RAD51B: variants seen among roughly 807,000 people sequenced by gnomAD.
The protein encoded by RAD51B is DNA repair protein RAD51 homolog 2.
A neutral mutation model predicts 42.2 loss-of-function variants in RAD51B; 38 were observed. That is an observed-to-expected ratio of 0.90 (90% CI 0.70 to 1.18). RAD51B has a LOEUF of 1.18. Among genes scored for constraint, RAD51B ranks in the 50% most tolerant of loss-of-function variants. The pLI is 0.00. For synonymous variants in RAD51B, 154 were observed against 145.2 expected (o/e 1.06, Z -0.43); for missense variants, 373 against 400.7 (o/e 0.93, Z 0.59).
chr14:68,292,876 T>C lies in RAD51B; in HGVS notation c.853+896T>C, dbSNP rs12432392. 1.0e-2 allele frequency among the ~76,000 whole-genome samples: 1,517 copies of C among 152,294 alleles called. 31 individuals are homozygous for C. Among genetic ancestry groups the C allele is most frequent in the East Asian group, 0.058 (300 of 5,188 alleles). On this transcript the variant is annotated intron_variant, in intron 8 of 10. Transcript: ENST00000471583. ...TGGCTAATTTATGAAAACTGTACAA[T>C]GCTTTGTGTACGCTCCTTCCAAGTT...
intron 11 of RAD51B, among the ~76,000 whole-genome samples, chr14:68,656,038 A>G (rs542791530): frequency 1.3e-5 from 2 of 152,316 alleles, no homozygotes; most frequent in South Asian, 2.1e-4. Context: ...AGAGCCAGGC[A>G]TGGTCCAGGT....
intron 9 of RAD51B, among the ~76,000 whole-genome samples, chr14:68,438,549 G>A (rs1170977019): frequency 6.6e-6 from 1 of 152,118 alleles, no homozygotes; most frequent in Non-Finnish European, 1.5e-5. Flanking sequence ...CAAGAATTAG[G>A]TTGGAGATCA....
At chr14:68,527,093 A>G (rs1025612339) in intron 10 of RAD51B, among the ~76,000 whole-genome samples, 4 of 152,246 alleles carry the variant, frequency 2.6e-5, no homozygotes, top group African/African-American at 9.6e-5. Context: ...CATCCGCACA[A>G]AGTTTCAATT....
intron 7 of RAD51B, among the ~76,000 whole-genome samples, chr14:68,166,970 G>A (rs1490445646): frequency 6.6e-6 from 1 of 151,758 alleles, no homozygotes. Context: ...ACCTTAATTC[G>A]GCTTTTGCTC....
At chr14:68,538,720 C>T (rs1329926861) in intron 10 of RAD51B, among the ~76,000 whole-genome samples, 2 of 151,162 alleles carry the variant, frequency 1.3e-5, no homozygotes, top group Non-Finnish European at 2.9e-5. Context: ...TCTGATTTCT[C>T]TTTTTTAAAA....
At chr14:68,179,308 A>C (rs2079016836) in intron 7 of RAD51B, among the ~76,000 whole-genome samples, 6 of 151,928 alleles carry the variant, frequency 3.9e-5, no homozygotes. Context: ...CTTTCTTGGC[A>C]AGAATCTGAT....
In RAD51B at chr14:67,837,169, A is replaced by G. The variant is rs1012829546; in HGVS notation, c.315+1973A>G. ...CACACACACACATACACACACACAC[A>G]CGCACACACACACACATCCTCTTCT... is the stretch of plus-strand genomic sequence containing the variant. On this transcript the variant is annotated intron_variant, in intron 4 of 10. Coordinates refer to ENST00000471583, the MANE Select transcript of RAD51B (RefSeq NM_133510.4). 8.6e-5 allele frequency among the ~76,000 whole-genome samples: 13 copies of G among 152,028 alleles called. No individual in the cohort carries two copies. In the East Asian group the frequency reaches 9.7e-4, roughly 11 times the overall value.
chr14:68,198,616 A>T (rs1021992282), intron 7 of RAD51B, among the ~76,000 whole-genome samples: 1 of 152,138 alleles, frequency 6.6e-6, no homozygotes, highest in Admixed American at 6.6e-5. Context: ...TTTCACTCAG[A>T]AATATCTTAT....
chr14:67,865,307 G>A (rs1195412560), intron 5 of RAD51B, among the ~76,000 whole-genome samples, 168 bp downstream of exon 5: 1 of 150,874 alleles, frequency 6.6e-6, no homozygotes, highest in Non-Finnish European at 1.5e-5. Context: ...CACGATCTGG[G>A]CTCATGGCAA....
intron 7 of RAD51B, among the ~76,000 whole-genome samples, chr14:68,050,909 T>C (rs2076382791): frequency 6.6e-6 from 1 of 151,872 alleles, no homozygotes; most frequent in Non-Finnish European, 1.5e-5. Flanking sequence ...TTTATAATTA[T>C]ATGTTAAGAA....
intron 10 of RAD51B, among the ~76,000 whole-genome samples, chr14:68,547,421 G>A (rs1310328234): frequency 6.6e-6 from 1 of 152,116 alleles, no homozygotes; most frequent in Non-Finnish European, 1.5e-5. Context: ...AACATTTTGG[G>A]GAAATGAAAT....
intron 7 of RAD51B, among the ~76,000 whole-genome samples, chr14:68,131,045 T>G (rs2077880560): frequency 2.0e-5 from 3 of 152,228 alleles, no homozygotes; most frequent in Non-Finnish European, 4.4e-5. Flanking sequence ...AAATTTAGAA[T>G]TATTAAATTC....
Position 68,668,416 on chromosome 14 carries a change from C to T in RAD51B, c.*11+17560C>T, listed in dbSNP as rs117142678. ...TCATCGAAAACCACGCATTCCACTC[C>T]ACTTCCCGGCCTCCCCTGCCGTTAG... On this transcript the variant is annotated intron_variant, in intron 11 of 11. Coordinates refer to the RAD51B transcript ENST00000488612. 7.0e-4 allele frequency among the ~76,000 whole-genome samples: 107 copies of T among 152,338 alleles called. 1 individual carries two copies. In the East Asian group the frequency reaches 0.016, roughly 23 times the overall value.
intron 7 of RAD51B, among the ~76,000 whole-genome samples, chr14:68,123,887 AC>A (rs2077703267): frequency 6.6e-6 from 1 of 152,212 alleles, no homozygotes; most frequent in South Asian, 2.1e-4. Context: ...GACTTTGTGC[AC>A]AAGCAACTGC....
chr14:67,959,803 G>A (rs1650609264), intron 7 of RAD51B, among the ~76,000 whole-genome samples: 2 of 152,178 alleles, frequency 1.3e-5, no homozygotes, highest in African/African-American at 4.8e-5. Context: ...AATATGACCG[G>A]GTGCAGTGGC....
chr14:68,607,446 T>G (rs930572137), intron 10 of RAD51B, among the ~76,000 whole-genome samples: 1 of 152,092 alleles, frequency 6.6e-6, no homozygotes, highest in Non-Finnish European at 1.5e-5. Context: ...CCACAGCCCA[T>G]CTCTTCCAGA....
At chr14:68,183,945 A>G (rs777196036) in intron 7 of RAD51B, among the ~76,000 whole-genome samples, 1 of 146,976 alleles carries the variant, frequency 6.8e-6, no homozygotes, top group Admixed American at 6.8e-5. Flanking sequence ...ACAAAAAATT[A>G]GGCGGGCGTG....
At chr14:68,468,914 G>A (rs1001069519) in intron 10 of RAD51B, among the ~76,000 whole-genome samples, 5 of 152,268 alleles carry the variant, frequency 3.3e-5, no homozygotes, top group East Asian at 1.9e-4. Context: ...TGCTAGATAC[G>A]CCAGTGGTTA....
chr14:68,063,338 G>A (rs2076599083), intron 7 of RAD51B, among the ~76,000 whole-genome samples: 1 of 152,060 alleles, frequency 6.6e-6, no homozygotes, highest in African/African-American at 2.4e-5. Flanking sequence ...CCCACTGGAA[G>A]GTGATTGGAT....
Sources: gnomAD v4.1 joint callset for allele counts (sites outside exome capture counted in the v4.1 genomes callset) on GRCh38, gnomAD v4.1.1 for gene constraint, MANE v1.5 for transcripts, NCBI Gene and HGNC (gene_info 2026-07-23, HGNC 2026-07-21) for gene names.